The following GAREM1 variants were observed in gnomAD, a reference collection of about 807,000 sequenced individuals.
GAREM1 encodes the protein GRB2-associated and regulator of MAPK protein 1.
In GAREM1, 26 loss-of-function variants were observed where a neutral mutation model predicts 71.3. That is an observed-to-expected ratio of 0.36 (90% CI 0.27 to 0.51). The LOEUF is 0.51. GAREM1 is among the 20% of genes least tolerant of loss of function. GAREM1 has a pLI of 0.95. For synonymous variants in GAREM1, 440 were observed against 433.2 expected (o/e 1.02, Z -0.20); for missense variants, 1,026 against 1,103.1 (o/e 0.93, Z 0.99).
At chr18:32,298,042 C>A (rs1391947853) in intron 3 of GAREM1, among the ~76,000 whole-genome samples, 1 of 152,162 alleles carries the variant, frequency 6.6e-6, no homozygotes, top group East Asian at 1.9e-4. Context: ...TCAAACAGTA[C>A]ACGTACAGAT....
At chr18:32,277,588 C>A (rs2041559313) in intron 4 of GAREM1, among the ~76,000 whole-genome samples, 1 of 152,224 alleles carries the variant, frequency 6.6e-6, no homozygotes, top group Non-Finnish European at 1.5e-5. Flanking sequence ...AATCTATGGT[C>A]CAAATCAAAC....
At chr18:32,411,390 T>C (rs534822937) in intron 1 of GAREM1, among the ~76,000 whole-genome samples, 26 of 152,330 alleles carry the variant, frequency 1.7e-4, no homozygotes, top group Admixed American at 4.6e-4. Context: ...AACTTTATTA[T>C]GTGATAAATA....
chr18:32,393,785 AGAG>A (rs2048225884), intron 1 of GAREM1, among the ~76,000 whole-genome samples: 1 of 152,226 alleles, frequency 6.6e-6, no homozygotes, highest in Non-Finnish European at 1.5e-5. Flanking sequence ...CTATTTCAAA[AGAG>A]AAATTCATTT....
At chr18:32,292,677 G>A (rs1447246651) in intron 3 of GAREM1, among the ~76,000 whole-genome samples, 2 of 152,116 alleles carry the variant, frequency 1.3e-5, no homozygotes, top group East Asian at 1.9e-4. Flanking sequence ...CTCTCCTGTC[G>A]CCCTGTGAAG....
At chr18:32,357,294 C>G (rs2047815913) in intron 2 of GAREM1, among the ~76,000 whole-genome samples, 1 of 152,198 alleles carries the variant, frequency 6.6e-6, no homozygotes, top group Admixed American at 6.5e-5. Context: ...ATGGGCAACA[C>G]AGCGAGACCC....
intron 2 of GAREM1, among the ~76,000 whole-genome samples, chr18:32,312,960 T>C (rs2047338570): frequency 6.6e-6 from 1 of 152,090 alleles, no homozygotes; most frequent in African/African-American, 2.4e-5. Context: ...GAGGAGTTGT[T>C]AGAGGGTTAA....
chr18:32,412,670 A>G, intron 1 of GAREM1: 5 of 1,479,720 alleles, frequency 3.4e-6, no homozygotes, highest in Non-Finnish European at 2.8e-6. Flanking sequence ...GGCCATTCAC[A>G]GTATGGTATT....
intron 2 of GAREM1, among the ~76,000 whole-genome samples, chr18:32,314,497 G>A (rs1490626397): frequency 1.3e-5 from 2 of 152,122 alleles, no homozygotes; most frequent in Non-Finnish European, 2.9e-5. Flanking sequence ...CGCATCCAAA[G>A]TATTCAGCAC....
chr18:32,423,608 G>A (rs967054315), intron 1 of GAREM1, among the ~76,000 whole-genome samples: 1 of 152,148 alleles, frequency 6.6e-6, no homozygotes, highest in African/African-American at 2.4e-5. Context: ...ATCATCACAA[G>A]TATATTACCA....
In GAREM1 at chr18:32,390,945, A is replaced by C. The variant is rs552437423; in HGVS notation, c.262+1950T>G. On this transcript the variant is annotated intron_variant, in intron 2 of 5. Coordinates refer to ENST00000269209, the MANE Select transcript of GAREM1 (RefSeq NM_001242409.2). ...TGTATAACCAAGTTTGAGATCCCTA[A>C]GTCAAACACCCATAGCCACAAAGAA... is the stretch of plus-strand genomic sequence containing the variant. 1.9e-3 allele frequency among the ~76,000 whole-genome samples: 282 copies of C among 152,320 alleles called. 9 individuals carry two copies. In the South Asian group the frequency reaches 0.036, roughly 19 times the overall value.
At chr18:32,332,647 C>T (rs2047548997) in intron 2 of GAREM1, among the ~76,000 whole-genome samples, 1 of 152,190 alleles carries the variant, frequency 6.6e-6, no homozygotes, top group Non-Finnish European at 1.5e-5. Flanking sequence ...CACTCTCCTT[C>T]AGCCTCCCTG....
chr18:32,286,205 C>A (rs1222158650), intron 4 of GAREM1, among the ~76,000 whole-genome samples: 1 of 152,050 alleles, frequency 6.6e-6, no homozygotes, highest in Non-Finnish European at 1.5e-5. Flanking sequence ...AAATAGAGGG[C>A]CCTTTCTCTT....
intron 2 of GAREM1, among the ~76,000 whole-genome samples, chr18:32,338,941 G>A (rs2047623865): frequency 6.6e-6 from 1 of 152,192 alleles, no homozygotes; most frequent in African/African-American, 2.4e-5. Flanking sequence ...CATCCAACCA[G>A]CTGAAGGCCT....
chr18:32,392,839 G>A, intron 2 of GAREM1, 56 bp downstream of exon 2: 5 of 1,561,234 alleles, frequency 3.2e-6, no homozygotes, highest in Non-Finnish European at 4.4e-6. Context: ...GAAAAGTTTA[G>A]CTATTCACAT....
At chr18:32,400,363 A>T (rs1221592795) in intron 1 of GAREM1, among the ~76,000 whole-genome samples, 1 of 152,212 alleles carries the variant, frequency 6.6e-6, no homozygotes, top group African/African-American at 2.4e-5. Context: ...CAGCAAAAGA[A>T]ACTACCATCA....
chr18:32,308,145 A>G (rs1008617204), intron 3 of GAREM1, among the ~76,000 whole-genome samples: 4 of 152,172 alleles, frequency 2.6e-5, no homozygotes, highest in African/African-American at 7.2e-5. Context: ...CCCAAATCCA[A>G]TTAGTTTTAT....
chr18:32,401,156 C>G (rs536916796), intron 1 of GAREM1, among the ~76,000 whole-genome samples: 1 of 152,008 alleles, frequency 6.6e-6, no homozygotes, highest in South Asian at 2.1e-4. Flanking sequence ...AGGGGAACAT[C>G]ACACACCAGG....
chr18:32,332,452 GC>G (rs1391823717), intron 2 of GAREM1, among the ~76,000 whole-genome samples: 3 of 152,098 alleles, frequency 2.0e-5, no homozygotes, highest in Non-Finnish European at 4.4e-5. Flanking sequence ...AATTGACACA[GC>G]AGTTAAGTGC....
chr18:32,364,026 A>ATGTTTTTTTTTTTT (rs2047902959), intron 2 of GAREM1, among the ~76,000 whole-genome samples: 1 of 46,418 alleles, frequency 2.2e-5, no homozygotes, highest in African/African-American at 1.6e-4. Context: ...ATATATATAT[A>ATGTTTTTTTTTTTT]TGTTTTTTTT....
Sources: allele counts gnomAD v4.1 joint callset (sites outside exome capture counted in the v4.1 genomes callset), GRCh38; gene constraint gnomAD v4.1.1; transcripts MANE v1.5; gene names NCBI Gene and HGNC (gene_info 2026-07-23, HGNC 2026-07-21).